Variants in PCMTD1 observed in about 807,000 individuals in gnomAD.
The protein encoded by PCMTD1 is protein-L-isoaspartate (D-aspartate) O-methyltransferase domain containing 1, also known as protein-L-isoaspartate O-methyltransferase domain-containing protein 1.
PCMTD1 carries 12 observed loss-of-function variants against 37.6 expected under a neutral mutation model. That is an observed-to-expected ratio of 0.32 (90% CI 0.20 to 0.52). PCMTD1 has a LOEUF of 0.52. Ranked by LOEUF, PCMTD1 falls within the 20% of genes least tolerant of loss-of-function variation. PCMTD1 has a pLI of 0.97. For missense variants in PCMTD1, 235 were observed against 421.3 expected (o/e 0.56, Z 3.87); for synonymous variants, 117 against 135.8 (o/e 0.86, Z 0.96).
chr8:51,822,739 T>C (rs1234826437), intron 5 of PCMTD1, among the ~76,000 whole-genome samples: 2 of 152,152 alleles, frequency 1.3e-5, no homozygotes, highest in East Asian at 3.9e-4. Flanking sequence ...GCTAATCTCA[T>C]GTCATCAGCC....
At chr8:51,843,598 CAA>C (rs55719945) in intron 3 of PCMTD1, among the ~76,000 whole-genome samples, 9 of 146,578 alleles carry the variant, frequency 6.1e-5, no homozygotes, top group Admixed American at 6.7e-5. Context: ...TTTACAATAA[CAA>C]AAAAAAAAAC....
At chr8:51,864,171 A>G (rs2038516337) in intron 1 of PCMTD1, among the ~76,000 whole-genome samples, 1 of 152,202 alleles carries the variant, frequency 6.6e-6, no homozygotes, top group South Asian at 2.1e-4. Context: ...ACAAAGAAGC[A>G]AAGAAGGCCA....
Position 51,856,493 on chromosome 8 carries a change from T to C in PCMTD1, c.307+4352A>G, listed in dbSNP as rs527599295. On this transcript the variant is annotated intron_variant, in intron 2 of 5. Transcript: ENST00000522514. ...AATTTACCATACAGGTCAGCAATTC[T>C]ACTCTTTAAGAATCTACCTAACAGA... Among the ~76,000 whole-genome samples, 6 of 152,336 alleles carry C rather than the reference T, an allele frequency of 3.9e-5. No homozygotes were observed. In the South Asian group the frequency reaches 1.2e-3, roughly 32 times the overall value.
At chr8:51,829,566 T>C (rs1250058838) in intron 5 of PCMTD1, among the ~76,000 whole-genome samples, 1 of 152,024 alleles carries the variant, frequency 6.6e-6, no homozygotes, top group Non-Finnish European at 1.5e-5. Flanking sequence ...GGGTGGGTGG[T>C]TGGGTCTGCC....
At chr8:51,823,779 C>A (rs1276886315) in intron 5 of PCMTD1, among the ~76,000 whole-genome samples, 3 of 152,078 alleles carry the variant, frequency 2.0e-5, no homozygotes, top group Non-Finnish European at 4.4e-5. Flanking sequence ...TGATGAACAT[C>A]GATGCAAAAA....
At chr8:51,875,175 C>A (rs2038693677) in intron 1 of PCMTD1, among the ~76,000 whole-genome samples, 1 of 152,046 alleles carries the variant, frequency 6.6e-6, no homozygotes, top group African/African-American at 2.4e-5. Flanking sequence ...CTTACAGTAA[C>A]TAATATGACA....
intron 2 of PCMTD1, among the ~76,000 whole-genome samples, chr8:51,850,838 A>G (rs978681050): frequency 6.6e-6 from 1 of 152,340 alleles, no homozygotes; most frequent in South Asian, 2.1e-4. Context: ...GTATCTTTAT[A>G]AAGATTTATA....
intron 1 of PCMTD1, among the ~76,000 whole-genome samples, chr8:51,863,284 A>G (rs1045190567): frequency 6.6e-6 from 1 of 152,228 alleles, no homozygotes; most frequent in Non-Finnish European, 1.5e-5. Context: ...CTAGGGCTTA[A>G]GAAGAATGAT....
chr8:51,833,735 G>A, intron 3 of PCMTD1, 46 bp from the exon 4 acceptor site: 1 of 1,531,716 alleles, frequency 6.5e-7, no homozygotes, highest in Non-Finnish European at 8.8e-7. Context: ...CAAAACATTA[G>A]ATCTAAAAAA....
intron 3 of PCMTD1, among the ~76,000 whole-genome samples, chr8:51,841,686 A>T (rs1356789329): frequency 1.3e-5 from 2 of 152,190 alleles, no homozygotes; most frequent in East Asian, 3.8e-4. Context: ...TAATTTTTTT[A>T]ACTGTACATG....
At chr8:51,888,378 T>C (rs994776967) in intron 1 of PCMTD1, among the ~76,000 whole-genome samples, 13 of 152,180 alleles carry the variant, frequency 8.5e-5, no homozygotes, top group African/African-American at 2.9e-4. Context: ...TAAATGACTT[T>C]TGTGTATCAC....
At chr8:51,841,189 T>C (rs2038142750) in intron 3 of PCMTD1, among the ~76,000 whole-genome samples, 1 of 152,184 alleles carries the variant, frequency 6.6e-6, no homozygotes, top group African/African-American at 2.4e-5. Context: ...CACCAATTAA[T>C]ATTGTCTCTA....
At chr8:51,874,311 C>A (rs2038681872) in intron 1 of PCMTD1, among the ~76,000 whole-genome samples, 1 of 152,158 alleles carries the variant, frequency 6.6e-6, no homozygotes, top group South Asian at 2.1e-4. Context: ...AACTACAGTT[C>A]AGAACTTCCC....
chr8:51,875,184 C>T (rs2038693829), intron 1 of PCMTD1, among the ~76,000 whole-genome samples: 1 of 152,080 alleles, frequency 6.6e-6, no homozygotes, highest in Admixed American at 6.5e-5. Flanking sequence ...ACTAATATGA[C>T]AGAAACTTAT....
chr8:51,880,221 G>C (rs1340183065), intron 1 of PCMTD1, among the ~76,000 whole-genome samples: 1 of 151,728 alleles, frequency 6.6e-6, no homozygotes, highest in Non-Finnish European at 1.5e-5. Context: ...AAAAAAAAGA[G>C]GGGAGGGGGG....
At chr8:51,837,856 T>C (rs2038089977) in intron 3 of PCMTD1, among the ~76,000 whole-genome samples, 1 of 152,198 alleles carries the variant, frequency 6.6e-6, no homozygotes, top group African/African-American at 2.4e-5. Context: ...CTTAGCTCAC[T>C]GCAACCTCCA....
intron 1 of PCMTD1, among the ~76,000 whole-genome samples, chr8:51,866,408 T>C (rs1211889505): frequency 6.6e-6 from 1 of 151,986 alleles, no homozygotes; most frequent in Non-Finnish European, 1.5e-5. Flanking sequence ...CAAAGCAGCA[T>C]GGTACTGACA....
At chr8:51,838,686 T>C (rs2038101983) in intron 3 of PCMTD1, among the ~76,000 whole-genome samples, 2 of 152,192 alleles carry the variant, frequency 1.3e-5, no homozygotes, top group Admixed American at 6.5e-5. Context: ...GACTATCTTC[T>C]GAAAACTGTA....
In PCMTD1 at chr8:51,881,850, T is replaced by C. The variant is rs144625087; in HGVS notation, c.-96+17080A>G. Among the ~76,000 whole-genome samples the C allele has an allele frequency of 1.1e-3, 172 of 152,302 alleles. 2 individuals carry two copies. The highest frequency in any genetic ancestry group is 3.9e-3 in the African/African-American group (160 of 41,556). ...TATCTAATCTGAGCCCTGAATACTA[T>C]TTCAGGGGCACCTCCAGCCATCTCT... On this transcript the variant is annotated intron_variant, in intron 1 of 5. Coordinates refer to ENST00000522514, the MANE Select transcript of PCMTD1 (RefSeq NM_052937.4).
Sources: gnomAD v4.1 joint callset for allele counts (sites outside exome capture counted in the v4.1 genomes callset) on GRCh38, gnomAD v4.1.1 for gene constraint, MANE v1.5 for transcripts, NCBI Gene and HGNC (gene_info 2026-07-23, HGNC 2026-07-21) for gene names.